The following PHF20 variants were observed in gnomAD, a reference collection of about 807,000 sequenced individuals.
PHF20 encodes PHD finger protein 20.
A neutral mutation model predicts 113.5 loss-of-function variants in PHF20; 23 were observed. The ratio of observed to expected loss-of-function variants is 0.20; its 90% confidence interval spans 0.15 to 0.29. The LOEUF is 0.29. PHF20 is among the 10% of genes least tolerant of loss of function. PHF20 has a pLI of 1.00. For synonymous variants in PHF20, 434 were observed against 457.3 expected (o/e 0.95, Z 0.65); for missense variants, 943 against 1,219.6 (o/e 0.77, Z 3.38).
At chr20:35,943,956 A>G (rs1014260144) in intron 17 of PHF20, among the ~76,000 whole-genome samples, 3 of 151,264 alleles carry the variant, frequency 2.0e-5, no homozygotes, top group Admixed American at 1.3e-4. Flanking sequence ...AAGGATATTT[A>G]ATGACCATGA....
intron 1 of PHF20, among the ~76,000 whole-genome samples, chr20:35,772,504 T>G (rs2041081512): frequency 6.6e-6 from 1 of 152,232 alleles, no homozygotes; most frequent in Non-Finnish European, 1.5e-5. Context: ...TTTTTAAAAT[T>G]GGCTTTTTTT....
At chr20:35,924,040 G>A (rs2055571239) in intron 13 of PHF20, among the ~76,000 whole-genome samples, 1 of 151,694 alleles carries the variant, frequency 6.6e-6, no homozygotes, top group East Asian at 1.9e-4. Flanking sequence ...ACAGGTGTGA[G>A]CCACCCTGCC....
intron 13 of PHF20, among the ~76,000 whole-genome samples, chr20:35,920,191 T>C (rs1476398558): frequency 6.6e-6 from 1 of 152,238 alleles, no homozygotes; most frequent in Non-Finnish European, 1.5e-5. Context: ...AATTATGTAA[T>C]TTATGATTCT....
intron 13 of PHF20, among the ~76,000 whole-genome samples, chr20:35,924,639 C>G (rs942504201): frequency 2.0e-5 from 3 of 152,178 alleles, no homozygotes; most frequent in African/African-American, 4.8e-5. Context: ...GTCACCCAGG[C>G]TGGAGTGCAG....
At chr20:35,775,405 A>G (rs1261477661) in intron 1 of PHF20, among the ~76,000 whole-genome samples, 1 of 152,114 alleles carries the variant, frequency 6.6e-6, no homozygotes, top group Non-Finnish European at 1.5e-5. Flanking sequence ...GTACAAGGCC[A>G]TAGTCCCCTT....
At chr20:35,917,925 T>C (rs1256417706) in intron 13 of PHF20, among the ~76,000 whole-genome samples, 1 of 151,992 alleles carries the variant, frequency 6.6e-6, no homozygotes, top group Non-Finnish European at 1.5e-5. Flanking sequence ...GACCCGCAAA[T>C]GGGAAGGGCC....
At chr20:35,939,917 A>G (rs2055944038) in intron 16 of PHF20, among the ~76,000 whole-genome samples, 1 of 152,154 alleles carries the variant, frequency 6.6e-6, no homozygotes, top group Admixed American at 6.5e-5. Flanking sequence ...GCCCTTGACT[A>G]TGTCTAAACG....
intron 2 of PHF20, among the ~76,000 whole-genome samples, chr20:35,823,085 A>G (rs1024594305): frequency 6.6e-6 from 1 of 152,176 alleles, no homozygotes; most frequent in Non-Finnish European, 1.5e-5. Context: ...TATGTTACAC[A>G]TTTATCAAAA....
Position 35,811,511 on chromosome 20 carries a change from C to T in PHF20, c.83+9906C>T, listed in dbSNP as rs549121515. ...AGGCTGGAGTGCAATGGCACAATCT[C>T]GGCTCACTGCAACCTCTGCCTCCCT... On this transcript the variant is annotated intron_variant, in intron 2 of 17. Coordinates refer to ENST00000374012, the MANE Select transcript of PHF20 (RefSeq NM_016436.5). Among the ~76,000 whole-genome samples, 10 of 151,256 alleles carry T rather than the reference C, an allele frequency of 6.6e-5. No individual in the cohort carries two copies. In the South Asian group the frequency reaches 8.3e-4, roughly 13 times the overall value.
intron 9 of PHF20, chr20:35,878,494 T>G: frequency 1.7e-6 from 1 of 586,478 alleles, no homozygotes; most frequent in East Asian, 2.9e-5. Context: ...TGAATTCATA[T>G]GATGAAGATC....
chr20:35,876,799 C>T (rs2054531691), intron 9 of PHF20, among the ~76,000 whole-genome samples: 1 of 151,496 alleles, frequency 6.6e-6, no homozygotes, highest in African/African-American at 2.4e-5. Context: ...GGTGAAACCC[C>T]ATCTCTACTA....
chr20:35,934,817 C>T (rs1028476362), intron 15 of PHF20, among the ~76,000 whole-genome samples: 3 of 152,108 alleles, frequency 2.0e-5, no homozygotes, highest in Non-Finnish European at 4.4e-5. Flanking sequence ...GTGAACTGAA[C>T]CAAATGACGG....
intron 2 of PHF20, among the ~76,000 whole-genome samples, chr20:35,819,400 GCCTTCC>G (rs1391363247): frequency 2.6e-5 from 4 of 152,122 alleles, no homozygotes; most frequent in African/African-American, 7.2e-5. Context: ...AAGTAGGCTG[GCCTTCC>G]CTGTTCTTGC....
At chr20:35,864,836 G>A (rs968886644) in intron 6 of PHF20, among the ~76,000 whole-genome samples, 8 of 152,214 alleles carry the variant, frequency 5.3e-5, no homozygotes, top group African/African-American at 1.9e-4. Flanking sequence ...GAGATATGCT[G>A]TAAGTGTAAG....
In PHF20 at chr20:35,917,164, G is replaced by T. The variant is rs141670605; in HGVS notation, c.1826-320G>T. 2.3e-3 allele frequency: 959 copies of T among 415,080 alleles called. 9 individuals are homozygous for T. The highest frequency in any genetic ancestry group is 0.018 in the African/African-American group (891 of 48,486). The allele number at this position is 415,080 out of a possible 1,614,324, so 25.7% of individuals were successfully genotyped here. A position where few individuals can be genotyped will look rare whatever the true frequency, so the allele number is the denominator to read the frequency against. ...CTGAAGAACATGTTAGAGTTGTCAGGGATGGTGGCCTGTGTGGTTCATGGG... is the reference window on the plus strand; with the variant it reads ...CTGAAGAACATGTTAGAGTTGTCAGTGATGGTGGCCTGTGTGGTTCATGGG... On this transcript the variant is annotated intron_variant, in intron 12 of 17. Coordinates refer to ENST00000374012, the MANE Select transcript of PHF20 (RefSeq NM_016436.5).
chr20:35,847,329 T>C (rs777015704), intron 3 of PHF20, 21 bp from the exon 4 acceptor site: 2 of 1,556,494 alleles, frequency 1.3e-6, no homozygotes, highest in South Asian at 2.3e-5. Context: ...AGGATCTTTT[T>C]TTTTTTTTTA....
chr20:35,790,791 G>T (rs2041528942), intron 1 of PHF20, among the ~76,000 whole-genome samples: 1 of 152,084 alleles, frequency 6.6e-6, no homozygotes, highest in African/African-American at 2.4e-5. Context: ...CTCACTAATG[G>T]CCCAAATGCT....
intron 17 of PHF20, among the ~76,000 whole-genome samples, chr20:35,941,707 G>A (rs1407004264): frequency 6.6e-6 from 1 of 152,170 alleles, no homozygotes; most frequent in Non-Finnish European, 1.5e-5. Flanking sequence ...GTTGTTTGAG[G>A]ATTCTGGGTA....
intron 12 of PHF20, among the ~76,000 whole-genome samples, chr20:35,916,747 C>T (rs1218619799): frequency 2.0e-5 from 3 of 151,290 alleles, no homozygotes; most frequent in Non-Finnish European, 2.9e-5. Context: ...GGATTACAGG[C>T]GTGAGCCACT....
Sources: gnomAD v4.1 joint callset for allele counts (sites outside exome capture counted in the v4.1 genomes callset) on GRCh38, gnomAD v4.1.1 for gene constraint, MANE v1.5 for transcripts, NCBI Gene and HGNC (gene_info 2026-07-23, HGNC 2026-07-21) for gene names.